The following INTS6L variants were observed in gnomAD, a reference collection of about 807,000 sequenced individuals.
INTS6L encodes the protein integrator complex subunit 6 like, also known as integrator complex subunit 6-like.
INTS6L carries 18 observed loss-of-function variants against 64.7 expected under a neutral mutation model. The ratio of observed to expected loss-of-function variants is 0.28; its 90% CI spans 0.19 to 0.41. INTS6L has a LOEUF of 0.41. INTS6L is among the 10% of genes least tolerant of loss of function. The pLI is 1.00. For synonymous variants in INTS6L, 227 were observed against 235.9 expected, an observed-to-expected ratio of 0.96 and a Z score of 0.34; for missense variants, 533 against 661.0, an observed-to-expected ratio of 0.81 and a Z score of 2.12.
At chrX:135,566,794 C>CT (rs1163759057) in intron 9 of INTS6L, among the ~76,000 whole-genome samples, 27 of 110,405 alleles carry the variant, frequency 2.4e-4, no homozygotes, top group South Asian at 7.6e-4. Flanking sequence ...TTTGTAACAA[C>CT]TTTTTTTTTC....
chrX:135,572,398 T>C (rs1320054186), intron 11 of INTS6L: 1 of 115,095 alleles, frequency 8.7e-6, no homozygotes, highest in Non-Finnish European at 1.8e-5. Flanking sequence ...TTTTCAGATA[T>C]AATGCCAGTC....
intron 2 of INTS6L, among the ~76,000 whole-genome samples, chrX:135,534,708 A>T (rs1329391755): frequency 1.5e-4 from 15 of 101,063 alleles, no homozygotes; most frequent in African/African-American, 5.5e-4. Context: ...TTTTAAATAG[A>T]GTCTTGCTCT....
At position 135,530,778 on chromosome X, in the gene INTS6L, T is replaced by C. The variant is rs182288735; in HGVS notation, c.189+9460T>C. ...TTTTTTCCCCTCCTGTGTAGTTAGA[T>C]GGCCTGGGGTAGAAGAGTGGATTTT... is the stretch of plus-strand genomic sequence containing the variant. On this transcript the variant is annotated intron_variant, in intron 2 of 17. Transcript: ENST00000639893. Among the ~76,000 whole-genome samples, 135 of 112,004 alleles carry C rather than the reference T, an allele frequency of 1.2e-3. 2 individuals are homozygous for C. The highest frequency in any genetic ancestry group is 0.011 in the Admixed American group (120 of 10,553).
At chrX:135,576,608 C>T (rs934049358) in intron 14 of INTS6L, among the ~76,000 whole-genome samples, 2 of 111,150 alleles carry the variant, frequency 1.8e-5, no homozygotes, top group Admixed American at 1.9e-4. Flanking sequence ...TCTATCCCCC[C>T]AAGAGTGAAA....
chrX:135,521,279 C>T lies in INTS6L; in HGVS notation c.150C>T (p.Tyr50=), dbSNP rs1556496598. 1 of 1,208,204 alleles carries T rather than the reference C, an allele frequency of 8.3e-7. No homozygotes were observed. Among genetic ancestry groups the T allele is most frequent in the Admixed American group, 2.2e-5 (1 of 45,650 alleles). ...ACCCGGCCAGCCGTGGAGACAGGTACATGCTGGTCACCTACGACGAACCCC... is the reference window on the plus strand; with the variant it reads ...ACCCGGCCAGCCGTGGAGACAGGTATATGCTGGTCACCTACGACGAACCCC... ...ARDPASRGDR[Y]MLVTYDEPPY... is the part of the protein sequence containing the mutation. The change falls in exon 2 of 18, where the codon TAC becomes TAT. Residue 50 remains tyrosine (Y), a synonymous_variant. Transcript: ENST00000639893.
chrX:135,545,845 AT>A (rs1556514890), intron 3 of INTS6L, among the ~76,000 whole-genome samples: 1 of 112,052 alleles, frequency 8.9e-6, no homozygotes, highest in Non-Finnish European at 1.9e-5. Context: ...GAACAAGACA[AT>A]TGGAAAGAAA....
At chrX:135,574,874 C>T (rs2087180177) in intron 13 of INTS6L, among the ~76,000 whole-genome samples, 1 of 111,796 alleles carries the variant, frequency 8.9e-6, no homozygotes, top group African/African-American at 3.3e-5. Context: ...CTGATCCTAG[C>T]GATGTGAGCC....
At chrX:135,548,066 T>TATAC (rs1410108879) in intron 6 of INTS6L, among the ~76,000 whole-genome samples, 1 of 73,472 alleles carries the variant, frequency 1.4e-5, no homozygotes, top group African/African-American at 4.5e-5. Flanking sequence ...TATATATATA[T>TATAC]ACACACACAC....
At position 135,577,025 on chromosome X, in the gene INTS6L, A is replaced by C. The variant is rs782491573; in HGVS notation, c.1885-168A>C. On this transcript the variant is annotated intron_variant, in intron 14 of 17. Coordinates refer to ENST00000639893, the MANE Select transcript of INTS6L (RefSeq NM_001351601.3). ...AAGATAAATCTTCGGCCCATGATTA[A>C]GGTTTATATTAGTTAATCTGGCATG... 3.6e-5 allele frequency among the ~76,000 whole-genome samples: 4 copies of C among 111,160 alleles called. No individual in the cohort carries two copies. The East Asian group carries it at 1.1e-3, about 31-fold the overall frequency.
At chrX:135,558,943 G>A (rs141247888) in intron 9 of INTS6L, among the ~76,000 whole-genome samples, 1,319 of 108,457 alleles carry the variant, frequency 0.012, 8 homozygotes, top group Non-Finnish European at 0.019. Context: ...GCACCACCAC[G>A]CCCAGCTTTT....
At chrX:135,526,681 G>A (rs1422436695) in intron 2 of INTS6L, among the ~76,000 whole-genome samples, 4 of 111,960 alleles carry the variant, frequency 3.6e-5, no homozygotes, top group Non-Finnish European at 7.5e-5. Context: ...GGGACTATTA[G>A]TGTTCATGTT....
chrX:135,542,098 T>TC (rs1401489779), intron 2 of INTS6L, among the ~76,000 whole-genome samples: 2 of 111,938 alleles, frequency 1.8e-5, no homozygotes, highest in African/African-American at 6.5e-5. Context: ...CTACATACTT[T>TC]GTAGTACTGA....
chrX:135,558,181 G>A (rs910219033), intron 9 of INTS6L, among the ~76,000 whole-genome samples: 1 of 111,792 alleles, frequency 8.9e-6, no homozygotes, highest in Admixed American at 9.5e-5. Context: ...TGGAGAAATC[G>A]GAATTCTTGT....
chrX:135,525,554 G>A (rs1244296625), intron 2 of INTS6L, among the ~76,000 whole-genome samples: 8 of 112,379 alleles, frequency 7.1e-5, no homozygotes, highest in Non-Finnish European at 1.5e-4. Flanking sequence ...GCTTACTGGT[G>A]TCTGCATGCC....
At chrX:135,562,412 T>C (rs992162222) in intron 9 of INTS6L, among the ~76,000 whole-genome samples, 2 of 112,468 alleles carry the variant, frequency 1.8e-5, no homozygotes, top group Non-Finnish European at 3.8e-5. Context: ...ATTTGCTTTA[T>C]GGCAAAGCAT....
At chrX:135,539,069 G>A (rs782439749) in intron 2 of INTS6L, among the ~76,000 whole-genome samples, 23 of 112,085 alleles carry the variant, frequency 2.1e-4, no homozygotes, top group South Asian at 7.4e-4. Context: ...GCTTAAAGTC[G>A]CCAGCTGCAT....
intron 17 of INTS6L, 70 bp downstream of exon 17, chrX:135,581,213 AAG>A (rs782282594): frequency 1.2e-6 from 1 of 822,137 alleles, no homozygotes; most frequent in South Asian, 2.8e-5. Context: ...GTGCAGGAAA[AAG>A]AGAGGAATAG....
chrX:135,539,428 C>A (rs1223194084), intron 2 of INTS6L, among the ~76,000 whole-genome samples: 1 of 112,034 alleles, frequency 8.9e-6, no homozygotes, highest in Non-Finnish European at 1.9e-5. Context: ...AGAGTTAGGG[C>A]CTTGCTCTGG....
At chrX:135,549,526 G>T in intron 6 of INTS6L, 116 bp from the exon 7 acceptor site, 3 of 816,266 alleles carry the variant, frequency 3.7e-6, no homozygotes, top group East Asian at 3.3e-5. Context: ...CATTTTTCAT[G>T]AATCATTGTT....
Sources: allele counts gnomAD v4.1 joint callset (sites outside exome capture counted in the v4.1 genomes callset), GRCh38; gene constraint gnomAD v4.1.1; transcripts MANE v1.5; gene names NCBI Gene and HGNC (gene_info 2026-07-23, HGNC 2026-07-21).